Variants in SUCLG2 observed in about 807,000 individuals in gnomAD.
The protein encoded by SUCLG2 is succinate-CoA ligase GDP-forming subunit beta.
A neutral mutation model predicts 47.9 loss-of-function variants in SUCLG2; 42 were observed. That is an observed-to-expected ratio of 0.88 (90% CI 0.69 to 1.14). SUCLG2 has a LOEUF of 1.14. SUCLG2 is among the 50% of genes most tolerant of loss of function. The pLI is 0.00. For synonymous variants in SUCLG2, 195 were observed against 197.3 expected, an observed-to-expected ratio of 0.99 and a Z score of 0.10; for missense variants, 571 against 525.9, an observed-to-expected ratio of 1.09 and a Z score of -0.84.
intron 9 of SUCLG2, among the ~76,000 whole-genome samples, chr3:67,465,965 G>A (rs1704458937): frequency 6.6e-6 from 1 of 152,044 alleles, no homozygotes; most frequent in Non-Finnish European, 1.5e-5. Flanking sequence ...CAAGAATCAG[G>A]ACCCAGCTGT....
intron 2 of SUCLG2, among the ~76,000 whole-genome samples, chr3:67,592,676 T>A (rs776176954): frequency 6.4e-4 from 84 of 130,962 alleles, no homozygotes; most frequent in Admixed American, 1.0e-3. Flanking sequence ...GAAAAGACAT[T>A]GGTAATATCT....
intron 1 of SUCLG2, among the ~76,000 whole-genome samples, chr3:67,628,554 C>G (rs894078905): frequency 6.6e-6 from 1 of 152,188 alleles, no homozygotes; most frequent in Non-Finnish European, 1.5e-5. Flanking sequence ...TGTCCCCACT[C>G]AAATCTCACC....
At chr3:67,583,177 G>A (rs1356400179) in intron 2 of SUCLG2, among the ~76,000 whole-genome samples, 1 of 151,774 alleles carries the variant, frequency 6.6e-6, no homozygotes, top group African/African-American at 2.4e-5. Flanking sequence ...ACCACCTCCT[G>A]CCACACCATC....
intron 6 of SUCLG2, among the ~76,000 whole-genome samples, chr3:67,510,009 A>G (rs1035000639): frequency 6.6e-6 from 1 of 152,118 alleles, no homozygotes; most frequent in Admixed American, 6.5e-5. Flanking sequence ...CTCTCTTTCT[A>G]TCTGGGCAGC....
intron 10 of SUCLG2, among the ~76,000 whole-genome samples, chr3:67,397,435 T>G (rs531423818): frequency 2.0e-5 from 3 of 151,944 alleles, no homozygotes; most frequent in Non-Finnish European, 2.9e-5. Context: ...TCAAAGAGAA[T>G]AAAATACCTA....
chr3:67,480,714 T>G (rs1401783239), intron 9 of SUCLG2, among the ~76,000 whole-genome samples: 2 of 152,214 alleles, frequency 1.3e-5, no homozygotes, highest in Non-Finnish European at 2.9e-5. Context: ...CTTGAGGGAC[T>G]TGTGGCCAGA....
chr3:67,580,625 A>T (rs1437405419), intron 2 of SUCLG2, among the ~76,000 whole-genome samples: 2 of 152,222 alleles, frequency 1.3e-5, no homozygotes, highest in East Asian at 3.8e-4. Flanking sequence ...GGCAAACGGC[A>T]GAGATTGTCC....
At chr3:67,475,553 C>T (rs570522587) in intron 9 of SUCLG2, among the ~76,000 whole-genome samples, 44 of 152,196 alleles carry the variant, frequency 2.9e-4, no homozygotes, top group Non-Finnish European at 5.9e-4. Context: ...TATAAGTTTT[C>T]AATCAAAAGA....
chr3:67,498,288 A>G lies in SUCLG2; in HGVS notation c.765T>C (p.Cys255=). The G allele has an allele frequency of 6.2e-7, 1 of 1,611,248 alleles. No homozygotes were observed. The highest frequency in any genetic ancestry group is 1.7e-4 in the Middle Eastern group (1 of 6,054). ...CATCAAAGTTTATCTTGGCATCAAA[A>G]CAGACAACTAAATAAAGAAGAAAAC... The part of the protein sequence containing the change: ...FGETPEGQVV[C]FDAKINFDDN... The change falls in exon 8 of 11, where the codon TGT becomes TGC. Residue 255 remains cysteine (C), a synonymous_variant. Transcript: ENST00000307227.
intron 1 of SUCLG2, among the ~76,000 whole-genome samples, chr3:67,629,595 T>G (rs1700892024): frequency 6.6e-6 from 1 of 152,130 alleles, no homozygotes; most frequent in African/African-American, 2.4e-5. Context: ...TAGCCATGAT[T>G]AAGAAATTGG....
chr3:67,585,194 C>T (rs1707984673), intron 2 of SUCLG2, among the ~76,000 whole-genome samples: 1 of 152,220 alleles, frequency 6.6e-6, no homozygotes, highest in South Asian at 2.1e-4. Context: ...AATTTCACCT[C>T]ATGTCCCACA....
intron 1 of SUCLG2, among the ~76,000 whole-genome samples, chr3:67,611,792 T>C (rs1036404642): frequency 6.6e-6 from 1 of 152,204 alleles, no homozygotes; most frequent in Non-Finnish European, 1.5e-5. Flanking sequence ...TGGAAACTAA[T>C]TGCAATTGAT....
chr3:67,581,119 T>C (rs1707868060), intron 2 of SUCLG2, among the ~76,000 whole-genome samples: 1 of 152,204 alleles, frequency 6.6e-6, no homozygotes, highest in Non-Finnish European at 1.5e-5. Context: ...CTAATAAAGA[T>C]ATTTCTCACA....
intron 9 of SUCLG2, among the ~76,000 whole-genome samples, chr3:67,461,043 G>A (rs1358011281): frequency 1.3e-5 from 2 of 152,182 alleles, no homozygotes; most frequent in Non-Finnish European, 2.9e-5. Context: ...TCTGACCCAA[G>A]ACATTCATGA....
At position 67,624,543 on chromosome 3, in the gene SUCLG2, A is replaced by C. The variant is rs150374354; in HGVS notation, c.85-14947T>G. On this transcript the variant is annotated intron_variant, in intron 1 of 10. Coordinates refer to ENST00000307227, the MANE Select transcript of SUCLG2 (RefSeq NM_003848.4). Reference sequence around the variant, plus strand: ...AGGAGAAATAATAATTTTGATGATTAAATTCCATGGCCCTCCCCAATATTC... The same window carrying C: ...AGGAGAAATAATAATTTTGATGATTCAATTCCATGGCCCTCCCCAATATTC... 2.4e-3 allele frequency among the ~76,000 whole-genome samples: 363 copies of C among 152,364 alleles called. 8 individuals are homozygous for C. In the East Asian group the frequency reaches 0.051, roughly 21 times the overall value.
At chr3:67,490,250 TC>T (rs1705172556) in intron 9 of SUCLG2, among the ~76,000 whole-genome samples, 1 of 152,148 alleles carries the variant, frequency 6.6e-6, no homozygotes, top group African/African-American at 2.4e-5. Flanking sequence ...TTAAATAAAC[TC>T]TAAATGTGCA....
intron 9 of SUCLG2, among the ~76,000 whole-genome samples, chr3:67,406,204 A>G (rs1431648632): frequency 6.6e-6 from 1 of 152,178 alleles, no homozygotes; most frequent in Admixed American, 6.5e-5. Flanking sequence ...TTTATTCAAC[A>G]TGATCCTGAG....
chr3:67,514,996 A>G (rs1377614877), intron 6 of SUCLG2, among the ~76,000 whole-genome samples: 1 of 152,166 alleles, frequency 6.6e-6, no homozygotes, highest in Non-Finnish European at 1.5e-5. Context: ...CTCACGAAGT[A>G]TTGCCAGGAG....
chr3:67,618,327 G>A (rs1046523887), intron 1 of SUCLG2, among the ~76,000 whole-genome samples: 22 of 152,134 alleles, frequency 1.4e-4, no homozygotes, highest in African/African-American at 4.6e-4. Flanking sequence ...GCGGGGACAG[G>A]AAAATTGCTT....
Sources: allele counts gnomAD v4.1 joint callset (sites outside exome capture counted in the v4.1 genomes callset), GRCh38; gene constraint gnomAD v4.1.1; transcripts MANE v1.5; gene names NCBI Gene and HGNC (gene_info 2026-07-23, HGNC 2026-07-21).